The following RELN variants were observed in gnomAD, a reference collection of about 807,000 sequenced individuals.
RELN encodes reelin.
A neutral mutation model predicts 427.6 loss-of-function variants in RELN; 108 were observed. The ratio of observed to expected loss-of-function variants is 0.25; its 90% confidence interval spans 0.22 to 0.30. The LOEUF is 0.30. Among genes scored for constraint, RELN ranks in the 10% least tolerant of loss-of-function variants. The pLI is 1.00. For synonymous variants in RELN, 1,524 were observed against 1,513.4 expected, an observed-to-expected ratio of 1.01 and a Z score of -0.16; for missense variants, 3,715 against 4,302.8, an observed-to-expected ratio of 0.86 and a Z score of 3.82.
chr7:103,856,462 G>T (rs1385780975), intron 2 of RELN, among the ~76,000 whole-genome samples: 20 of 151,454 alleles, frequency 1.3e-4, no homozygotes, highest in Non-Finnish European at 2.9e-4. Flanking sequence ...CCAGCTACTT[G>T]GGAGGCTGAG....
At chr7:103,497,780 G>GA (rs766623923) in intron 55 of RELN, 40 bp downstream of exon 55, 3 of 1,537,246 alleles carry the variant, frequency 2.0e-6, no homozygotes, top group Admixed American at 3.3e-5. Flanking sequence ...TGGAATTTGG[G>GA]AATCTGCTCC....
chr7:103,677,699 G>A (rs1833566916), intron 11 of RELN, among the ~76,000 whole-genome samples: 1 of 147,592 alleles, frequency 6.8e-6, no homozygotes, highest in Admixed American at 6.8e-5. Context: ...CCAGGAGGCG[G>A]AGGTTGCAGT....
intron 3 of RELN, among the ~76,000 whole-genome samples, chr7:103,777,425 C>G (rs118003438): frequency 0.014 from 2,063 of 152,210 alleles, 21 homozygotes; most frequent in Non-Finnish European, 0.022. Context: ...AAGCCATACA[C>G]AAAACTTTTT....
chr7:103,527,938 A>T (rs988519085), intron 46 of RELN, among the ~76,000 whole-genome samples: 1 of 152,234 alleles, frequency 6.6e-6, no homozygotes, highest in Non-Finnish European at 1.5e-5. Flanking sequence ...GCTGGTAAGG[A>T]TATGGGGAAA....
chr7:103,868,220 T>C (rs566440902), intron 2 of RELN, among the ~76,000 whole-genome samples: 6 of 152,158 alleles, frequency 3.9e-5, no homozygotes, highest in Middle Eastern at 3.4e-3. Context: ...GGGAACCAAT[T>C]TGGAAATTCA....
chr7:103,572,195 G>A lies in RELN; in HGVS notation c.4577C>T (p.Thr1526Ile). ...TSGITCIKPR[T>I]RNEGLIVQYS... The stretch of plus-strand genomic sequence containing the variant: ...ATACAGCAGCTTACCTTCATTTCTA[G>A]TTCTTGGTTTGATGCAGGTAATGCC... The change falls in exon 31 of 65, where the codon ACT (threonine) becomes ATT (isoleucine). Residue 1526 changes from threonine to isoleucine, a missense_variant. Physicochemically the swap from Thr to Ile is moderately conservative, Grantham distance 89. This residue lies in a region of RELN where 2,208 missense variants were observed against 2,361.7 expected (regional missense o/e 0.93). Transcript: ENST00000428762. 6.4e-7 allele frequency: 1 copy of A among 1,568,534 alleles called. No individual in the cohort carries two copies. The highest frequency in any genetic ancestry group is 1.1e-5 in the South Asian group (1 of 90,162).
intron 2 of RELN, among the ~76,000 whole-genome samples, chr7:103,849,565 T>C (rs1488658358): frequency 6.6e-6 from 1 of 152,212 alleles, no homozygotes; most frequent in Non-Finnish European, 1.5e-5. Context: ...CCTACATCTC[T>C]GGGCTTATCT....
chr7:103,551,056 C>A lies in RELN; in HGVS notation c.6302+11G>T, dbSNP rs763643417. ...GAGAAACAAATGTGGCGTCAAGCAGCGGGTCCTTACCCACAAAGGTGCAGC... is the reference window on the plus strand; with the variant it reads ...GAGAAACAAATGTGGCGTCAAGCAGAGGGTCCTTACCCACAAAGGTGCAGC... On this transcript the variant is annotated intron_variant, in intron 41 of 64. Coordinates refer to ENST00000428762, the MANE Select transcript of RELN (RefSeq NM_005045.4). The A allele has an allele frequency of 1.2e-6, 2 of 1,603,016 alleles. No individual in the cohort carries two copies. Among genetic ancestry groups the A allele is most frequent in the Admixed American group, 3.3e-5 (2 of 59,938 alleles).
At chr7:103,689,615 C>T (rs2115735632) in intron 10 of RELN, among the ~76,000 whole-genome samples, 1 of 152,194 alleles carries the variant, frequency 6.6e-6, no homozygotes, top group East Asian at 1.9e-4. Flanking sequence ...AAGCAGCTGC[C>T]AGACCAATAT....
chr7:103,715,961 G>A (rs1030633618), intron 8 of RELN, among the ~76,000 whole-genome samples: 7 of 152,270 alleles, frequency 4.6e-5, no homozygotes, highest in Non-Finnish European at 7.4e-5. Flanking sequence ...TTTCTAGGAG[G>A]ACTAATCCCC....
At chr7:103,672,546 G>C (rs182807760) in intron 11 of RELN, among the ~76,000 whole-genome samples, 1 of 152,084 alleles carries the variant, frequency 6.6e-6, no homozygotes, top group Admixed American at 6.6e-5. Context: ...TCAGAAAAAG[G>C]AGGAAGTAGT....
intron 5 of RELN, among the ~76,000 whole-genome samples, chr7:103,750,627 T>C (rs117239883): frequency 6.6e-6 from 1 of 152,312 alleles, no homozygotes; most frequent in Non-Finnish European, 1.5e-5. Context: ...AAAATTGCTG[T>C]AATCTACTAA....
intron 61 of RELN, among the ~76,000 whole-genome samples, chr7:103,485,433 C>A (rs1828402662): frequency 6.6e-6 from 1 of 152,190 alleles, no homozygotes; most frequent in East Asian, 1.9e-4. Flanking sequence ...TCAAACACAT[C>A]TAATTCTCAA....
intron 63 of RELN, among the ~76,000 whole-genome samples, chr7:103,479,585 A>G (rs545261916): frequency 5.6e-4 from 85 of 152,204 alleles, no homozygotes; most frequent in Non-Finnish European, 1.0e-3. Context: ...TCAAACAAGC[A>G]TGAGAGACTG....
intron 2 of RELN, among the ~76,000 whole-genome samples, chr7:103,894,734 T>G (rs1794922660): frequency 6.6e-6 from 1 of 152,158 alleles, no homozygotes; most frequent in Admixed American, 6.6e-5. Context: ...ATGGAAATAT[T>G]AAGGCTGAGA....
rs73177946 is a variant in RELN at position 103,620,969 on chromosome 7, C to T, written c.2702+8971G>A. Among the ~76,000 whole-genome samples, 982 of 152,264 alleles carry T rather than the reference C, an allele frequency of 6.4e-3. 4 individuals are homozygous for T. Among genetic ancestry groups the T allele is most frequent in the Middle Eastern group, 0.017 (5 of 294 alleles). ...GCATGGAGGGGAGAGAGAAAATACA[C>T]GAGGAATCTTTGAAATTATCTTTCT... On this transcript the variant is annotated intron_variant, in intron 20 of 64. Coordinates refer to ENST00000428762, the MANE Select transcript of RELN (RefSeq NM_005045.4). The surrounding 1 kb of genome is among the most constrained non-coding windows in gnomAD (Gnocchi z 4.1).
At chr7:103,557,632 C>T (rs1009611406) in intron 37 of RELN, among the ~76,000 whole-genome samples, 1 of 151,988 alleles carries the variant, frequency 6.6e-6, no homozygotes, top group African/African-American at 2.4e-5. Context: ...AAAGAAAATC[C>T]ACGTTTTTCA....
chr7:103,709,766 A>G (rs1789747319), intron 8 of RELN, among the ~76,000 whole-genome samples: 1 of 152,212 alleles, frequency 6.6e-6, no homozygotes, highest in Non-Finnish European at 1.5e-5. Flanking sequence ...TTCCAAATAT[A>G]AAAAAATAAA....
At position 103,753,208 on chromosome 7, in the gene RELN, G is replaced by A; in HGVS notation, c.551C>T (p.Thr184Ile). 6.2e-7 allele frequency: 1 copy of A among 1,613,988 alleles called. No individual in the cohort carries two copies. The highest frequency in any genetic ancestry group is 1.3e-5 in the African/African-American group (1 of 75,038). ...AQQLCEQGAP[T>I]DVTVHPHLAE... The stretch of plus-strand genomic sequence containing the variant: ...TAGATGTGGGTGCACAGTGACATCT[G>A]TTGGAGCTGAATCAAGAGAGGAAAG... The change falls in exon 5 of 65, where the codon ACA (threonine) becomes ATA (isoleucine). Residue 184 changes from threonine (T) to isoleucine (I), a missense_variant. This residue lies in a region of RELN where 2,208 missense variants were observed against 2,361.7 expected (regional missense o/e 0.93). Coordinates refer to ENST00000428762, the MANE Select transcript of RELN (RefSeq NM_005045.4).
Sources: gnomAD v4.1 joint callset for allele counts (sites outside exome capture counted in the v4.1 genomes callset) on GRCh38, gnomAD v4.1.1 for gene constraint, gnomAD v4.1.1 regional missense constraint, Gnocchi (gnomAD v3.1) non-coding constraint, MANE v1.5 for transcripts, NCBI Gene and HGNC (gene_info 2026-07-23, HGNC 2026-07-21) for gene names.